MDM4: variants seen among roughly 807,000 people sequenced by gnomAD.
MDM4 encodes the protein protein Mdm4.
In MDM4, 2 loss-of-function variants were observed where a neutral mutation model predicts 60.2. The ratio of observed to expected loss-of-function variants is 0.03; its 90% confidence interval spans 0.01 to 0.10. The LOEUF (loss-of-function observed/expected upper bound fraction) is 0.10, where lower values mean the gene tolerates loss of function less well. Ranked by LOEUF, MDM4 falls within the 10% of genes least tolerant of loss-of-function variation. MDM4 has a pLI of 1.00. For synonymous variants in MDM4, 202 were observed against 198.1 expected, an observed-to-expected ratio of 1.02 and a Z score of -0.17; for missense variants, 447 against 577.5, an observed-to-expected ratio of 0.77 and a Z score of 2.32.
At chr1:204,529,084 CTG>C (rs753553031) in intron 3 of MDM4, 39 of 1,416,780 alleles carry the variant, frequency 2.8e-5, no homozygotes, top group Non-Finnish European at 3.7e-5. Flanking sequence ...TGCTGCAGCT[CTG>C]TGTAGCTAAT....
intron 9 of MDM4, among the ~76,000 whole-genome samples, chr1:204,545,381 A>G (rs1462903784): frequency 1.3e-5 from 2 of 152,190 alleles, no homozygotes; most frequent in African/African-American, 4.8e-5. Flanking sequence ...TGTGTATGGT[A>G]TGTACTCATG....
chr1:204,521,110 C>G (rs1282382707), intron 1 of MDM4, among the ~76,000 whole-genome samples: 1 of 152,094 alleles, frequency 6.6e-6, no homozygotes, highest in Non-Finnish European at 1.5e-5. Context: ...CTTTCCTGAT[C>G]TGTAAAATAA....
chr1:204,528,267 G>A (rs766193568), intron 3 of MDM4, among the ~76,000 whole-genome samples: 1 of 152,164 alleles, frequency 6.6e-6, no homozygotes, highest in East Asian at 1.9e-4. Flanking sequence ...CAGTAGCCTG[G>A]CCAAAGATGC....
Position 204,530,810 on chromosome 1 carries a change from G to A in MDM4, c.280G>A (p.Asp94Asn), listed in dbSNP as rs918199683. Residue 94 changes from aspartate (D) to asparagine (N), a missense_variant, in exon 4 of 11, where the codon GAC becomes AAC. Asp to Asn is a conservative substitution (Grantham distance 23). Around this residue, in one of 8 missense-constraint regions of MDM4, gnomAD observed 31 missense variants for 87.6 expected, o/e 0.35. Coordinates refer to ENST00000367182, the MANE Select transcript of MDM4 (RefSeq NM_002393.5). ...LLGRQSFSVK[D>N]PSPLYDMLRK... ...GGGACGTCAGAGCTTCTCCGTGAAA[G>A]ACCCAAGGTAAAAACAGTGAGGGCT... 3.1e-6 allele frequency: 5 copies of A among 1,614,194 alleles called. No individual in the cohort carries two copies. The highest frequency in any genetic ancestry group is 4.2e-6 in the Non-Finnish European group (5 of 1,180,032).
Position 204,535,192 on chromosome 1 carries a change from C to G in MDM4, c.344-2238C>G, listed in dbSNP as rs530977894. On this transcript the variant is annotated intron_variant, in intron 5 of 10. Coordinates refer to ENST00000367182, the MANE Select transcript of MDM4 (RefSeq NM_002393.5). ...TTTTTTTTTGAGATGGAGTCTCGCT[C>G]TGTCGCCTAGGCTGGAGTGCAGTGG... 4.2e-3 allele frequency among the ~76,000 whole-genome samples: 607 copies of G among 142,848 alleles called. 6 individuals are homozygous for G. Among genetic ancestry groups the G allele is most frequent in the Non-Finnish European group, 4.8e-3 (319 of 66,450 alleles). 93.7% of individuals were successfully genotyped at this position (142,848 alleles called of 152,430 possible). A position where few individuals can be genotyped will look rare whatever the true frequency, so the allele number is the denominator to read the frequency against.
chr1:204,538,217 A>G lies in MDM4; in HGVS notation c.420A>G (p.Ala140=). The change falls in exon 7 of 11, where the codon GCA becomes GCG. Residue 140 remains alanine, a synonymous_variant. Transcript: ENST00000367182. The part of the protein sequence containing the change: ...IPSQDQLKQS[A]EESSTSRKRT... ...CCTTTCCCTTCTTTCAGCAAAGTGCAGAGGAAAGTTCCACTTCCAGAAAAA... is the reference window on the plus strand; with the variant it reads ...CCTTTCCCTTCTTTCAGCAAAGTGCGGAGGAAAGTTCCACTTCCAGAAAAA... 6.2e-7 allele frequency: 1 copy of G among 1,600,668 alleles called. No homozygotes were observed. Among genetic ancestry groups the G allele is most frequent in the Non-Finnish European group, 8.6e-7 (1 of 1,167,708 alleles).
In MDM4 at chr1:204,546,888, T is replaced by C; in HGVS notation, c.903+11T>C. 6.4e-7 allele frequency: 1 copy of C among 1,570,376 alleles called. No homozygotes were observed. The highest frequency in any genetic ancestry group is 8.8e-7 in the Non-Finnish European group (1 of 1,141,566). On this transcript the variant is annotated intron_variant, in intron 10 of 10. Transcript: ENST00000367182. ...GAGGTTACCTCTGAGGTATGAATCT[T>C]TAGCAAGAACTATTTTGCACCAGCC...
At chr1:204,519,023 G>GA (rs1659280116) in intron 1 of MDM4, among the ~76,000 whole-genome samples, 1 of 152,160 alleles carries the variant, frequency 6.6e-6, no homozygotes, top group Non-Finnish European at 1.5e-5. Context: ...GGTTTAGGAT[G>GA]AATCAGTTTT....
chr1:204,542,329 G>T (rs1020070579), intron 7 of MDM4, among the ~76,000 whole-genome samples: 11 of 152,128 alleles, frequency 7.2e-5, no homozygotes, highest in African/African-American at 2.4e-4. Flanking sequence ...TGATCTTAAG[G>T]GTTAGACCAC....
intron 8 of MDM4, among the ~76,000 whole-genome samples, chr1:204,543,418 C>T (rs1263830119): frequency 2.0e-5 from 3 of 152,236 alleles, no homozygotes; most frequent in African/African-American, 7.2e-5. Flanking sequence ...CCTCCTTCCT[C>T]ACTTCCTGTC....
chr1:204,533,172 A>T (rs756239425), intron 5 of MDM4, among the ~76,000 whole-genome samples: 65 of 152,234 alleles, frequency 4.3e-4, no homozygotes, highest in Non-Finnish European at 3.4e-4. Context: ...AGGTATGTAT[A>T]GGAAACTGGC....
At chr1:204,548,159 G>A (rs980347727) in intron 10 of MDM4, among the ~76,000 whole-genome samples, 7 of 152,216 alleles carry the variant, frequency 4.6e-5, no homozygotes, top group African/African-American at 1.7e-4. Context: ...AAGAAAAAGT[G>A]ATGCCAATTA....
Position 204,554,913 on chromosome 1 carries a change from A to G in MDM4, c.*5231A>G, listed in dbSNP as rs928630955. On this transcript the variant is annotated 3_prime_UTR_variant, in exon 11 of 11. Coordinates refer to ENST00000367182, the MANE Select transcript of MDM4 (RefSeq NM_002393.5). ...TGGTAATGCCGTTATTGGTGAATAC[A>G]GCATAGTTAAATAAACTGTTACAGT... 4.5e-6 allele frequency: 1 copy of G among 224,288 alleles called. No individual in the cohort carries two copies. The highest frequency in any genetic ancestry group is 2.2e-5 in the African/African-American group (1 of 44,832). 13.9% of individuals were successfully genotyped at this position (224,288 alleles called of 1,614,324 possible).
At chr1:204,523,187 TG>T (rs1165018347) in intron 1 of MDM4, among the ~76,000 whole-genome samples, 1 of 149,996 alleles carries the variant, frequency 6.7e-6, no homozygotes, top group East Asian at 2.0e-4. Flanking sequence ...AATTTTTTTT[TG>T]TCCAGACGTG....
rs1663164950 is a variant in MDM4, at chr1:204,551,158, T to G, written c.*1476T>G. On this transcript the variant is annotated 3_prime_UTR_variant, in exon 11 of 11. Coordinates refer to ENST00000367182, the MANE Select transcript of MDM4 (RefSeq NM_002393.5). The stretch of plus-strand genomic sequence containing the variant: ...CCCAGATCCAAGCAATCCTCCCACC[T>G]AAGCCTCCCAAGTAGCTGGGTCTAT... The G allele has an allele frequency of 5.2e-6, 1 of 192,768 alleles. No individual in the cohort carries two copies. The highest frequency in any genetic ancestry group is 1.1e-5 in the Non-Finnish European group (1 of 92,392). 11.9% of individuals were successfully genotyped at this position (192,768 alleles called of 1,614,324 possible).
chr1:204,526,476 T>TG (rs753862779), intron 3 of MDM4, 42 bp downstream of exon 3: 3 of 1,496,776 alleles, frequency 2.0e-6, no homozygotes, highest in South Asian at 1.2e-5. Flanking sequence ...TGTTTTTTTT[T>TG]TTTTTGAGAT....
rs755218701 is a variant in MDM4, at chr1:204,532,212, A to T, written c.309A>T (p.Arg103Ser). 5 of 1,603,132 alleles carry T rather than the reference A, an allele frequency of 3.1e-6. No individual in the cohort carries two copies. Among genetic ancestry groups the T allele is most frequent in the Non-Finnish European group, 4.3e-6 (5 of 1,170,536 alleles). ...ACAGCCCTCTCTATGATATGCTAAG[A>T]AAGAATCTTGTCACTTTAGCCACTG... ...KDPSPLYDMLRKNLVTLATAT... is the reference protein window; with the variant it reads ...KDPSPLYDMLSKNLVTLATAT... The change falls in exon 5 of 11, where the codon AGA (arginine) becomes AGT (serine). Residue 103 changes from arginine (R) to serine (S), a missense_variant. Physicochemically the swap from Arg to Ser is moderately radical, Grantham distance 110. Around this residue, in one of 8 missense-constraint regions of MDM4, gnomAD observed 23 missense variants for 22.1 expected, o/e 1.04. Coordinates refer to ENST00000367182, the MANE Select transcript of MDM4 (RefSeq NM_002393.5).
At chr1:204,532,298 G>C (rs747240462) in intron 5 of MDM4, 52 bp downstream of exon 5, 1 of 1,129,342 alleles carries the variant, frequency 8.9e-7, no homozygotes, top group African/African-American at 1.5e-5. Context: ...AGTTCAAGGG[G>C]GCAAATGATG....
In MDM4 at chr1:204,554,990, G is replaced by A. The variant is rs1663440944; in HGVS notation, c.*5308G>A. 1.4e-5 allele frequency: 3 copies of A among 219,874 alleles called. No individual in the cohort carries two copies. The highest frequency in any genetic ancestry group is 6.7e-5 in the African/African-American group (3 of 44,552). The allele number at this position is 219,874 out of a possible 1,614,324, so 13.6% of individuals were successfully genotyped here. Reference sequence around the variant, plus strand: ...TCTACCAATAGCCTTTTGAATGACTGAAAGTGTTAACAGAGAAAGAGGCAT... The same window carrying A: ...TCTACCAATAGCCTTTTGAATGACTAAAAGTGTTAACAGAGAAAGAGGCAT... On this transcript the variant is annotated 3_prime_UTR_variant, in exon 11 of 11. Coordinates refer to ENST00000367182, the MANE Select transcript of MDM4 (RefSeq NM_002393.5).
Sources: allele counts gnomAD v4.1 joint callset (sites outside exome capture counted in the v4.1 genomes callset), GRCh38; gene constraint gnomAD v4.1.1; regional missense constraint gnomAD v4.1.1; transcripts MANE v1.5; gene names NCBI Gene and HGNC (gene_info 2026-07-23, HGNC 2026-07-21).